The following ARHGAP32 variants were observed in gnomAD, a reference collection of about 807,000 sequenced individuals.
ARHGAP32 encodes Rho GTPase activating protein 32.
In ARHGAP32, 51 loss-of-function variants were observed where a neutral mutation model predicts 186.5. The ratio of observed to expected loss-of-function variants is 0.27; its 90% confidence interval spans 0.22 to 0.35. The LOEUF (loss-of-function observed/expected upper bound fraction) is 0.35, where lower values mean the gene tolerates loss of function less well. Among genes scored for constraint, ARHGAP32 ranks in the 10% least tolerant of loss-of-function variants. The pLI is 1.00. For synonymous variants in ARHGAP32, 950 were observed against 964.3 expected (o/e 0.99, Z 0.27); for missense variants, 2,186 against 2,623.5 (o/e 0.83, Z 3.64).
intron 1 of ARHGAP32, among the ~76,000 whole-genome samples, chr11:129,171,388 T>C (rs1218862041): frequency 6.6e-6 from 1 of 152,238 alleles, no homozygotes; most frequent in Non-Finnish European, 1.5e-5. Flanking sequence ...TTTCTGTATA[T>C]GGCTAGCCAG....
At chr11:129,129,814 T>C (rs998169568) in intron 2 of ARHGAP32, among the ~76,000 whole-genome samples, 1 of 152,226 alleles carries the variant, frequency 6.6e-6, no homozygotes. Context: ...TTAAATATTA[T>C]TCAATCTTTA....
chr11:129,001,283 C>G (rs1591520077), intron 11 of ARHGAP32, among the ~76,000 whole-genome samples: 1 of 152,070 alleles, frequency 6.6e-6, no homozygotes, highest in African/African-American at 2.4e-5. Flanking sequence ...ACATTTGTTA[C>G]TGCCTGTCTT....
chr11:129,049,087 A>G (rs1939931577), intron 10 of ARHGAP32, among the ~76,000 whole-genome samples: 1 of 152,146 alleles, frequency 6.6e-6, no homozygotes, highest in East Asian at 1.9e-4. Context: ...AAAGTGACAC[A>G]TTCTGAGCAG....
At chr11:128,986,360 A>C (rs1158461218) in intron 14 of ARHGAP32, among the ~76,000 whole-genome samples, 164 bp downstream of exon 14, 1 of 152,246 alleles carries the variant, frequency 6.6e-6, no homozygotes, top group African/African-American at 2.4e-5. Context: ...GACAATGTGA[A>C]AACAGCAAAG....
At chr11:129,053,114 C>A (rs567058384) in intron 10 of ARHGAP32, among the ~76,000 whole-genome samples, 12 of 152,028 alleles carry the variant, frequency 7.9e-5, no homozygotes, top group African/African-American at 2.9e-4. Flanking sequence ...ATAAAGTGTT[C>A]TTTAATGCTG....
At chr11:129,259,344 C>T (rs1375720783) in intron 1 of ARHGAP32, among the ~76,000 whole-genome samples, 1 of 151,990 alleles carries the variant, frequency 6.6e-6, no homozygotes, top group African/African-American at 2.4e-5. Context: ...GAACTATATA[C>T]AATGGCTGCA....
chr11:129,074,000 C>T (rs1433954840), intron 6 of ARHGAP32, among the ~76,000 whole-genome samples: 1 of 151,984 alleles, frequency 6.6e-6, no homozygotes, highest in Non-Finnish European at 1.5e-5. Flanking sequence ...CAAAATTATC[C>T]CTCAAAAATG....
At chr11:129,249,063 G>A (rs1309811642) in intron 1 of ARHGAP32, among the ~76,000 whole-genome samples, 1 of 152,068 alleles carries the variant, frequency 6.6e-6, no homozygotes, top group East Asian at 1.9e-4. Flanking sequence ...TAGATAAAAA[G>A]ATTAACAGGT....
At chr11:129,231,231 C>T (rs889186416) in intron 1 of ARHGAP32, among the ~76,000 whole-genome samples, 11 of 152,100 alleles carry the variant, frequency 7.2e-5, no homozygotes, top group Non-Finnish European at 1.0e-4. Flanking sequence ...GTTATTGTTA[C>T]GGTTTTCTAT....
chr11:129,146,188 T>C (rs1943163940), intron 2 of ARHGAP32, among the ~76,000 whole-genome samples: 1 of 152,172 alleles, frequency 6.6e-6, no homozygotes, highest in African/African-American at 2.4e-5. Flanking sequence ...ATACTTTTTC[T>C]TTTATTCAAA....
intron 11 of ARHGAP32, among the ~76,000 whole-genome samples, chr11:129,025,007 A>ACATATTTTCCATTC (rs1447237197): frequency 1.1e-4 from 17 of 152,342 alleles, no homozygotes; most frequent in Admixed American, 3.9e-4. Flanking sequence ...GAAAATATTT[A>ACATATTTTCCATTC]CATATTTTCC....
chr11:129,171,376 G>A (rs368270195), intron 1 of ARHGAP32, among the ~76,000 whole-genome samples: 163 of 152,264 alleles, frequency 1.1e-3, no homozygotes, highest in African/African-American at 3.8e-3. Context: ...TCCAGGTTCA[G>A]TTTTCTGTAT....
At chr11:129,166,800 G>C (rs759471135) in intron 1 of ARHGAP32, among the ~76,000 whole-genome samples, 1 of 149,868 alleles carries the variant, frequency 6.7e-6, no homozygotes, top group African/African-American at 2.5e-5. Context: ...CACATGAAAA[G>C]AATAAAGCAC....
At chr11:129,161,232 A>G (rs528289903) in intron 2 of ARHGAP32, among the ~76,000 whole-genome samples, 2 of 152,302 alleles carry the variant, frequency 1.3e-5, no homozygotes, top group East Asian at 3.9e-4. Context: ...ACCATTCAGG[A>G]CATAGGCATG....
intron 11 of ARHGAP32, among the ~76,000 whole-genome samples, chr11:129,001,440 TTTTGCCCA>T (rs1946356204): frequency 6.6e-6 from 1 of 152,264 alleles, no homozygotes; most frequent in South Asian, 2.1e-4. Flanking sequence ...TATTTGGATC[TTTTGCCCA>T]TTTGTTAATC....
At chr11:129,128,869 T>C (rs1469823078) in intron 2 of ARHGAP32, among the ~76,000 whole-genome samples, 5 of 151,964 alleles carry the variant, frequency 3.3e-5, no homozygotes, top group Non-Finnish European at 7.4e-5. Context: ...GCAGACGGAG[T>C]CTCGCTCACT....
chr11:128,978,309 C>T (rs772278838), intron 19 of ARHGAP32, among the ~76,000 whole-genome samples: 33 of 151,768 alleles, frequency 2.2e-4, no homozygotes, highest in Admixed American at 7.2e-4. Flanking sequence ...AGTACTTTTT[C>T]GACAGTAATA....
In ARHGAP32 at chr11:129,245,478, T is replaced by C. The variant is rs957518563; in HGVS notation, c.-5+33668A>G. Among the ~76,000 whole-genome samples, 3 of 149,998 alleles carry C rather than the reference T, an allele frequency of 2.0e-5. No homozygotes were observed. In the East Asian group the frequency reaches 5.9e-4, roughly 30 times the overall value. On this transcript the variant is annotated intron_variant, in intron 1 of 6. Coordinates refer to the ARHGAP32 transcript ENST00000525234. ...GTGGGGGGACGGGGGAGGGATAGCA[T>C]TGGGAGATATACCTAATGCTAGATG...
chr11:129,168,737 A>G (rs1943691144), intron 1 of ARHGAP32, among the ~76,000 whole-genome samples: 1 of 152,226 alleles, frequency 6.6e-6, no homozygotes, highest in Non-Finnish European at 1.5e-5. Context: ...GCATATATGA[A>G]ACATTTACAA....
Sources: allele counts gnomAD v4.1 joint callset (sites outside exome capture counted in the v4.1 genomes callset), GRCh38; gene constraint gnomAD v4.1.1; transcripts MANE v1.5; gene names NCBI Gene and HGNC (gene_info 2026-07-23, HGNC 2026-07-21).